The following CXADR variants were observed in gnomAD, a reference collection of about 807,000 sequenced individuals.
CXADR encodes coxsackievirus and adenovirus receptor.
Under a neutral mutation model 40.3 loss-of-function variants are expected in CXADR, and 20 were observed. That is an observed-to-expected ratio of 0.50 (90% CI 0.35 to 0.72). The LOEUF (loss-of-function observed/expected upper bound fraction) is 0.72, where lower values mean the gene tolerates loss of function less well. Among genes scored for constraint, CXADR ranks in the 30% least tolerant of loss-of-function variants. The probability of loss-of-function intolerance (pLI) is 0.01; values close to 1 mark genes in which losing one functional copy is unlikely to be tolerated. For synonymous variants in CXADR, 150 were observed against 161.3 expected (o/e 0.93, Z 0.53); for missense variants, 332 against 449.1 (o/e 0.74, Z 2.36).
intron 1 of CXADR, among the ~76,000 whole-genome samples, chr21:17,536,212 C>A (rs1416874533): frequency 6.6e-6 from 1 of 152,134 alleles, no homozygotes; most frequent in African/African-American, 2.4e-5. Flanking sequence ...AGAGTATCCA[C>A]AATAAAAGTT....
intron 7 of CXADR, among the ~76,000 whole-genome samples, chr21:17,586,550 CT>C: frequency 6.6e-6 from 1 of 151,250 alleles, no homozygotes; most frequent in Non-Finnish European, 1.5e-5. Context: ...GTTCTCCTAC[CT>C]TGGCCTCCCA....
At position 17,558,988 on chromosome 21, in the gene CXADR, G is replaced by A; in HGVS notation, c.428G>A (p.Gly143Asp). Residue 143 changes from glycine (G) to aspartate (D), a missense_variant, in exon 4 of 7, where the codon GGT becomes GAT. Coordinates refer to ENST00000284878, the MANE Select transcript of CXADR (RefSeq NM_001338.5). ...TTTTCTCTTTCAGTTAAGCCTTCAG[G>A]TGCGAGATGTTACGTTGATGGATCT... ...IHLVVLVKPS[G>D]ARCYVDGSEE... 6.2e-7 allele frequency: 1 copy of A among 1,611,020 alleles called. No homozygotes were observed. The highest frequency in any genetic ancestry group is 8.5e-7 in the Non-Finnish European group (1 of 1,178,824).
At chr21:17,617,489 T>G in the CXADR span, among the ~76,000 whole-genome samples, 1 of 152,210 alleles carries the variant, frequency 6.6e-6, no homozygotes, top group African/African-American at 2.4e-5. Context: ...ATATAGGTAT[T>G]CCGGCATACC....
At chr21:17,620,140 A>G in the CXADR span, among the ~76,000 whole-genome samples, 1 of 152,242 alleles carries the variant, frequency 6.6e-6, no homozygotes, top group Non-Finnish European at 1.5e-5. Flanking sequence ...AGTTGGCACA[A>G]GAGCCCTACC....
At chr21:17,589,079 A>G (rs2123401393) in intron 7 of CXADR, among the ~76,000 whole-genome samples, 1 of 151,976 alleles carries the variant, frequency 6.6e-6, no homozygotes, top group East Asian at 1.9e-4. Flanking sequence ...CTACTCCCTA[A>G]TACTTTTTCT....
intron 2 of CXADR, among the ~76,000 whole-genome samples, chr21:17,550,041 A>G (rs2123260604): frequency 6.6e-6 from 1 of 152,278 alleles, no homozygotes; most frequent in East Asian, 1.9e-4. Context: ...AGCGCAACCT[A>G]GATGCACACA....
chr21:17,626,723 TG>T, the CXADR span, among the ~76,000 whole-genome samples: 1 of 152,138 alleles, frequency 6.6e-6, no homozygotes, highest in Non-Finnish European at 1.5e-5. Flanking sequence ...AATGGGGTAG[TG>T]GGTGTTAAGG....
chr21:17,594,284 T>G (rs1324696832), downstream of CXADR: 1 of 1,613,090 alleles, frequency 6.2e-7, no homozygotes, highest in Non-Finnish European at 8.5e-7. Context: ...GGCTTTTTTC[T>G]GGGCAAAGGG....
At chr21:17,636,193 C>T in the CXADR span, among the ~76,000 whole-genome samples, 6 of 152,126 alleles carry the variant, frequency 3.9e-5, no homozygotes, top group Non-Finnish European at 8.8e-5. Flanking sequence ...TTTGCAGATT[C>T]TTTAGGGTTT....
chr21:17,600,573 C>T, the CXADR span, among the ~76,000 whole-genome samples: 1 of 152,012 alleles, frequency 6.6e-6, no homozygotes, highest in Non-Finnish European at 1.5e-5. Flanking sequence ...GTAATTCCAG[C>T]ACTTCAGGAG....
chr21:17,591,486 T>C (rs1420712934), intron 7 of CXADR, among the ~76,000 whole-genome samples: 5 of 152,044 alleles, frequency 3.3e-5, no homozygotes, highest in African/African-American at 9.7e-5. Context: ...AATGCTTTAT[T>C]ATCTTAACTT....
At chr21:17,554,345 C>G (rs576966381) in intron 3 of CXADR, among the ~76,000 whole-genome samples, 292 of 152,220 alleles carry the variant, frequency 1.9e-3, no homozygotes, top group African/African-American at 6.5e-3. Context: ...CGTGACTGCC[C>G]GGCAGTAGGA....
At chr21:17,544,568 C>T (rs1261215757) in intron 1 of CXADR, among the ~76,000 whole-genome samples, 1 of 152,106 alleles carries the variant, frequency 6.6e-6, no homozygotes, top group Non-Finnish European at 1.5e-5. Flanking sequence ...GAGGGTTGGC[C>T]AGACACCTCC....
intron 2 of CXADR, among the ~76,000 whole-genome samples, chr21:17,547,859 C>G (rs2060918641): frequency 1.3e-5 from 2 of 152,070 alleles, no homozygotes; most frequent in South Asian, 4.2e-4. Flanking sequence ...TTTAAAAAAT[C>G]TTAAAACATT....
rs933712364 is a variant in CXADR, at chr21:17,568,191, G to T, written c.*2499G>T. ...TCACCCAGGCTGGAGTGCAGTGGCG[G>T]GATCTCGGCTCACTGCAAGCTCCGC... On this transcript the variant is annotated 3_prime_UTR_variant, in exon 7 of 7. Transcript: ENST00000284878. 3.1e-6 allele frequency: 3 copies of T among 966,564 alleles called. No individual in the cohort carries two copies. The highest frequency in any genetic ancestry group is 3.7e-6 in the Non-Finnish European group (3 of 815,348). The allele number at this position is 966,564 out of a possible 1,614,324, so 59.9% of individuals were successfully genotyped here.
At chr21:17,520,271 T>A (rs150819419) in intron 1 of CXADR, among the ~76,000 whole-genome samples, 1 of 152,262 alleles carries the variant, frequency 6.6e-6, no homozygotes, top group African/African-American at 2.4e-5. Flanking sequence ...AGTCAGATGG[T>A]ACAGCTTTTG....
At chr21:17,544,044 C>T (rs559580910) in intron 1 of CXADR, among the ~76,000 whole-genome samples, 1 of 152,020 alleles carries the variant, frequency 6.6e-6, no homozygotes, top group Non-Finnish European at 1.5e-5. Flanking sequence ...TGGATGCCAC[C>T]TAAGTCAGTT....
rs1019044004 is a variant in CXADR at position 17,513,156 on chromosome 21, C to T, written c.27C>T (p.Leu9=). Residue 9 remains leucine (L), a synonymous_variant, in exon 1 of 7, where the codon CTC becomes CTT. Transcript: ENST00000284878. MALLLCFV[L]LCGVVDFARS... ...TGGCGCTCCTGCTGTGCTTCGTGCTCCTGTGCGGAGTAGTGGGTGAGTAGG... is the reference window on the plus strand; with the variant it reads ...TGGCGCTCCTGCTGTGCTTCGTGCTTCTGTGCGGAGTAGTGGGTGAGTAGG... The T allele has an allele frequency of 4.4e-6, 6 of 1,367,022 alleles. No individual in the cohort carries two copies. In the Admixed American group the frequency reaches 1.5e-4, roughly 34 times the overall value. 84.7% of individuals were successfully genotyped at this position (1,367,022 alleles called of 1,614,324 possible).
intron 1 of CXADR, among the ~76,000 whole-genome samples, chr21:17,529,479 C>G (rs2060642548): frequency 1.3e-5 from 2 of 152,094 alleles, no homozygotes; most frequent in Non-Finnish European, 2.9e-5. Flanking sequence ...TGCCACCACG[C>G]CCTGCTAATT....
Sources: allele counts gnomAD v4.1 joint callset (sites outside exome capture counted in the v4.1 genomes callset), GRCh38; gene constraint gnomAD v4.1.1; transcripts MANE v1.5; gene names NCBI Gene and HGNC (gene_info 2026-07-23, HGNC 2026-07-21).